Variants in PCBP3 observed in about 807,000 individuals in gnomAD.
PCBP3 encodes the protein poly(rC)-binding protein 3.
In PCBP3, 25 loss-of-function variants were observed where a neutral mutation model predicts 52.7. That is an observed-to-expected ratio of 0.47 (90% confidence interval 0.35 to 0.66). The LOEUF is 0.66. Ranked by LOEUF, PCBP3 falls within the 30% of genes least tolerant of loss-of-function variation. PCBP3 has a pLI of 0.01. For synonymous variants in PCBP3, 162 were observed against 183.0 expected (o/e 0.89, Z 0.93); for missense variants, 391 against 490.3 (o/e 0.80, Z 1.91).
chr21:45,924,104 G>C (rs1395255422), intron 13 of PCBP3, among the ~76,000 whole-genome samples: 8 of 114,598 alleles, frequency 7.0e-5, no homozygotes, highest in Non-Finnish European at 7.2e-5. Context: ...TGAACACCGG[G>C]AACAGTCGAG....
At chr21:45,706,451 CTCTCTCCCTCCTT>C (rs1465346080) in intron 2 of PCBP3, among the ~76,000 whole-genome samples, 4 of 152,066 alleles carry the variant, frequency 2.6e-5, no homozygotes, top group African/African-American at 4.8e-5. Context: ...CCTCCCTCTG[CTCTCTCCCTCCTT>C]TCTCTCCCTC....
intron 4 of PCBP3, among the ~76,000 whole-genome samples, chr21:45,764,536 CT>C (rs2089099645): frequency 2.6e-5 from 4 of 152,214 alleles, no homozygotes; most frequent in Non-Finnish European, 4.4e-5. Context: ...TTTCTGACCA[CT>C]TCCGTTAACC....
intron 4 of PCBP3, among the ~76,000 whole-genome samples, chr21:45,780,343 G>T (rs906941105): frequency 1.9e-4 from 29 of 152,330 alleles, no homozygotes; most frequent in African/African-American, 6.5e-4. Context: ...TGATATTGAA[G>T]TCTCTCTCTG....
chr21:45,693,951 ACT>A lies in PCBP3; in HGVS notation c.-200+25002_-200+25003del, dbSNP rs1024740597. 2.0e-5 allele frequency among the ~76,000 whole-genome samples: 3 copies of A among 152,098 alleles called. 1 individual carries two copies. Among genetic ancestry groups the A allele is most frequent in the African/African-American group, 2.4e-5 (1 of 41,432 alleles). ...AATCTATAACATGTAAAAATATATG[ACT>A]CTGTCAGTGCAGGAGGGGATAAAGG... On this transcript the variant is annotated intron_variant, in intron 2 of 17. Transcript: ENST00000681687.
chr21:45,935,134 A>T, intron 15 of PCBP3, 119 bp from the exon 16 acceptor site: 1 of 690,580 alleles, frequency 1.4e-6, no homozygotes, highest in Non-Finnish European at 2.6e-6. Flanking sequence ...GCTGACCCTC[A>T]CACTTGGGCC....
intron 4 of PCBP3, among the ~76,000 whole-genome samples, chr21:45,775,752 T>G (rs2090204760): frequency 6.6e-6 from 1 of 152,190 alleles, no homozygotes; most frequent in Admixed American, 6.5e-5. Context: ...AGCTAGTGGT[T>G]TATCAATTTT....
chr21:45,709,014 G>T (rs984295581), intron 2 of PCBP3, among the ~76,000 whole-genome samples: 3 of 152,236 alleles, frequency 2.0e-5, no homozygotes, highest in Admixed American at 6.5e-5. Flanking sequence ...TTCCTTGCTT[G>T]CTAGCGGCAG....
intron 5 of PCBP3, among the ~76,000 whole-genome samples, chr21:45,895,231 A>G (rs1426251435): frequency 6.6e-6 from 1 of 152,168 alleles, no homozygotes; most frequent in Non-Finnish European, 1.5e-5. Flanking sequence ...GAACTATTTT[A>G]TTGAGAAAAA....
Position 45,724,745 on chromosome 21 carries a change from C to T in PCBP3, c.-199-10647C>T, listed in dbSNP as rs182250472. Reference sequence around the variant, plus strand: ...GCTGGAGTGGCACTCTGTAACCCGCCCCCCCTCAGCTGGAGTGGCACTCTG... The same window carrying T: ...GCTGGAGTGGCACTCTGTAACCCGCTCCCCCTCAGCTGGAGTGGCACTCTG... On this transcript the variant is annotated intron_variant, in intron 2 of 17. Transcript: ENST00000681687. This position sits in a 1 kb window ranked among gnomAD's most constrained non-coding sequence, Gnocchi z 5.3. 6.6e-6 allele frequency among the ~76,000 whole-genome samples: 1 copy of T among 151,738 alleles called. No individual in the cohort carries two copies. Among genetic ancestry groups the T allele is most frequent in the East Asian group, 1.9e-4 (1 of 5,134 alleles).
rs1325109324 is a variant in PCBP3, at chr21:45,656,758, T to C, written c.-278-12116T>C. Among the ~76,000 whole-genome samples the C allele has an allele frequency of 1.3e-5, 2 of 152,232 alleles. No homozygotes were observed. Among genetic ancestry groups the C allele is most frequent in the Non-Finnish European group, 2.9e-5 (2 of 68,044 alleles). On this transcript the variant is annotated intron_variant, in intron 1 of 17. Transcript: ENST00000681687. This position sits in a 1 kb window ranked among gnomAD's most constrained non-coding sequence, Gnocchi z 4.3. ...AGTGTTCTTTATGTATTCTGTATGT[T>C]AGTCCCTTATCAGGTATATGATTTG...
intron 9 of PCBP3, chr21:45,901,711 C>CGG (rs2096055099): frequency 8.0e-6 from 1 of 125,358 alleles, no homozygotes; most frequent in African/African-American, 4.3e-5. Flanking sequence ...GAGAGGAAGA[C>CGG]AGAGAGAGAG....
rs891410000 is a variant in PCBP3, at chr21:45,775,584, C to A, written c.-126+20132C>A. On this transcript the variant is annotated intron_variant, in intron 4 of 17. Coordinates refer to ENST00000681687, the MANE Select transcript of PCBP3 (RefSeq NM_001384156.1). The stretch of plus-strand genomic sequence containing the variant: ...GATGGGTACCACCACTCCTGGCTAA[C>A]TTTTTAAATTTTTCTTTAGAGATAA... Among the ~76,000 whole-genome samples, 3 of 152,024 alleles carry A rather than the reference C, an allele frequency of 2.0e-5. No individual in the cohort carries two copies. The East Asian group carries it at 5.8e-4, about 29-fold the overall frequency.
chr21:45,935,078 G>A (rs2076740522), intron 15 of PCBP3, among the ~76,000 whole-genome samples, 175 bp from the exon 16 acceptor site: 2 of 152,230 alleles, frequency 1.3e-5, no homozygotes, highest in Admixed American at 6.5e-5. Flanking sequence ...GAAATTGGGT[G>A]GCAGTTTGGG....
intron 4 of PCBP3, among the ~76,000 whole-genome samples, chr21:45,812,601 C>T (rs1181236736): frequency 1.3e-5 from 2 of 152,204 alleles, no homozygotes; most frequent in Admixed American, 6.5e-5. Flanking sequence ...CGGGTTTCAC[C>T]GTGTTGGCCA....
rs2091290451 is a variant in PCBP3, at chr21:45,788,188, T to C, written c.-126+32736T>C. Reference sequence around the variant, plus strand: ...AAGGTGTCCTGTGAACCCCCCACAGTCAGATGGGTGAGGGATGGGGAGGGT... The same window carrying C: ...AAGGTGTCCTGTGAACCCCCCACAGCCAGATGGGTGAGGGATGGGGAGGGT... On this transcript the variant is annotated intron_variant, in intron 4 of 17. Coordinates refer to ENST00000681687, the MANE Select transcript of PCBP3 (RefSeq NM_001384156.1). The surrounding 1 kb of genome is among the most constrained non-coding windows in gnomAD (Gnocchi z 4.3). 1 of 152,322 alleles carries C rather than the reference T, an allele frequency of 6.6e-6. No homozygotes were observed. The highest frequency in any genetic ancestry group is 6.5e-5 in the Admixed American group (1 of 15,268). The allele number at this position is 152,322 out of a possible 1,614,324, so 9.4% of individuals were successfully genotyped here. A position where few individuals can be genotyped will look rare whatever the true frequency, so the allele number is the denominator to read the frequency against.
chr21:45,933,715 C>T (rs567438427), intron 15 of PCBP3, among the ~76,000 whole-genome samples: 16 of 152,332 alleles, frequency 1.1e-4, no homozygotes, highest in Admixed American at 8.5e-4. Context: ...GTTCATTCAG[C>T]ACCAGCTGAT....
chr21:45,691,441 T>TATATATAAAATATATATATC (rs1569121449), intron 2 of PCBP3, among the ~76,000 whole-genome samples: 5 of 95,704 alleles, frequency 5.2e-5, no homozygotes, highest in African/African-American at 2.8e-4. Context: ...ATATATCATA[T>TATATATAAAATATATATATC]ATATGTATGT....
In PCBP3 at chr21:45,805,218, AAG is replaced by A. The variant is rs1209641877; in HGVS notation, c.-125-44742_-125-44741del. On this transcript the variant is annotated intron_variant, in intron 4 of 17. Transcript: ENST00000681687. The surrounding 1 kb of genome is among the most constrained non-coding windows in gnomAD (Gnocchi z 4.6). Reference sequence around the variant, plus strand: ...TGGCCTGGCCCCCATGGCAGGGTCTAAGGCTGTTCCCCGGAAGCCTACCTTCT... The same window carrying A: ...TGGCCTGGCCCCCATGGCAGGGTCTAGCTGTTCCCCGGAAGCCTACCTTCT... 6.6e-6 allele frequency among the ~76,000 whole-genome samples: 1 copy of A among 152,166 alleles called. No homozygotes were observed. The highest frequency in any genetic ancestry group is 2.4e-5 in the African/African-American group (1 of 41,430).
chr21:45,854,089 T>C (rs2094167754), intron 5 of PCBP3: 1 of 149,516 alleles, frequency 6.7e-6, no homozygotes, highest in South Asian at 2.2e-4. Context: ...GGGAGAGAGA[T>C]GGAAGGGGTG....
Sources: allele counts gnomAD v4.1 joint callset (sites outside exome capture counted in the v4.1 genomes callset), GRCh38; gene constraint gnomAD v4.1.1; non-coding constraint Gnocchi (gnomAD v3.1); transcripts MANE v1.5; gene names NCBI Gene and HGNC (gene_info 2026-07-23, HGNC 2026-07-21).